TDP2: variants seen among roughly 807,000 people sequenced by gnomAD.
The protein encoded by TDP2 is tyrosyl-DNA phosphodiesterase 2.
In TDP2, 38 loss-of-function variants were observed where a neutral mutation model predicts 42.8. That is an observed-to-expected ratio of 0.89 (90% CI 0.68 to 1.16). The LOEUF (loss-of-function observed/expected upper bound fraction) is 1.16. TDP2 is among the 50% of genes most tolerant of loss of function. TDP2 has a pLI of 0.00. For synonymous variants in TDP2, 173 were observed against 150.6 expected (o/e 1.15, Z -1.09); for missense variants, 439 against 439.3 (o/e 1.00, Z 0.01).
intron 2 of TDP2, among the ~76,000 whole-genome samples, chr6:24,664,107 T>C (rs1229840212): frequency 1.3e-5 from 2 of 152,172 alleles, no homozygotes; most frequent in African/African-American, 4.8e-5. Context: ...TCTTAGGTTT[T>C]ATGTGTTAGG....
At chr6:24,659,080 A>G in intron 2 of TDP2, 2 of 175,146 alleles carry the variant, frequency 1.1e-5, no homozygotes, top group Non-Finnish European at 2.4e-5. Context: ...GCTGAATTCC[A>G]GCAGAAAGCT....
Position 24,653,061 on chromosome 6 carries a change from C to G in TDP2, c.729G>C (p.Met243Ile). Reference sequence around the variant, plus strand: ...GAGCCTCTTGCATTTTCTTTAAAACCATTTTTAACTGATTCATTCGTTCCG... The same window carrying G: ...GAGCCTCTTGCATTTTCTTTAAAACGATTTTTAACTGATTCATTCGTTCCG... ...HAAERMNQLKMVLKKMQEAPE... is the reference protein window; with the variant it reads ...HAAERMNQLKIVLKKMQEAPE... Residue 243 changes from methionine to isoleucine, a missense_variant, in exon 6 of 7, where the codon ATG (methionine) becomes ATC (isoleucine). Coordinates refer to ENST00000378198, the MANE Select transcript of TDP2 (RefSeq NM_016614.3). 1.2e-6 allele frequency: 2 copies of G among 1,614,106 alleles called. No individual in the cohort carries two copies. The highest frequency in any genetic ancestry group is 1.7e-6 in the Non-Finnish European group (2 of 1,180,014).
intron 2 of TDP2, among the ~76,000 whole-genome samples, chr6:24,662,670 G>A (rs945545866): frequency 2.6e-5 from 4 of 151,590 alleles, no homozygotes; most frequent in East Asian, 1.9e-4. Context: ...TATGCTAAGC[G>A]CCGGTCCCCT....
intron 5 of TDP2, 151 bp from the exon 6 acceptor site, chr6:24,653,304 G>A: frequency 1.2e-6 from 1 of 847,194 alleles, no homozygotes; most frequent in Non-Finnish European, 1.8e-6. Context: ...CGGATCAAAA[G>A]AAGTATTAAA....
rs368291396 is a variant in TDP2 at position 24,656,975 on chromosome 6, G to A, written c.517+837C>T. On this transcript the variant is annotated intron_variant, in intron 4 of 6. Coordinates refer to ENST00000378198, the MANE Select transcript of TDP2 (RefSeq NM_016614.3). The stretch of plus-strand genomic sequence containing the variant: ...CCATAAAGAGAGACACACACAGACT[G>A]AGAGAGAACCCTCTCCTTAGAAATT... Among the ~76,000 whole-genome samples, 8 of 152,290 alleles carry A rather than the reference G, an allele frequency of 5.3e-5. No homozygotes were observed. The South Asian group carries it at 8.3e-4, about 16-fold the overall frequency.
At chr6:24,663,542 T>G (rs1238809603) in intron 2 of TDP2, among the ~76,000 whole-genome samples, 1 of 152,212 alleles carries the variant, frequency 6.6e-6, no homozygotes, top group African/African-American at 2.4e-5. Context: ...ATGTTGGTAG[T>G]GGGGTCCAGT....
chr6:24,651,161 T>C, intron 6 of TDP2, 92 bp from the exon 7 acceptor site: 2 of 1,017,644 alleles, frequency 2.0e-6, no homozygotes, highest in East Asian at 5.0e-5. Flanking sequence ...GCTATTACCG[T>C]GCAAGAAATT....
In TDP2 at chr6:24,666,424, A is replaced by G; in HGVS notation, c.251+102T>C. ...GCTACGCAGCTTGGAGATCTGCCTC[A>G]GCATCGTCCGCCCAGCTCCACGGCA... On this transcript the variant is annotated intron_variant, in intron 2 of 6. Coordinates refer to ENST00000378198, the MANE Select transcript of TDP2 (RefSeq NM_016614.3). 3.4e-6 allele frequency: 5 copies of G among 1,456,582 alleles called. No individual in the cohort carries two copies. In the South Asian group the frequency reaches 4.6e-5, roughly 13 times the overall value. 90.2% of individuals were successfully genotyped at this position (1,456,582 alleles called of 1,614,324 possible).
At chr6:24,658,346 GAA>G in intron 3 of TDP2, among the ~76,000 whole-genome samples, 1 of 152,296 alleles carries the variant, frequency 6.6e-6, no homozygotes, top group East Asian at 1.9e-4. Flanking sequence ...AGTTGAAGAA[GAA>G]AACAGTACTA....
rs1777947440 is a variant in TDP2 at position 24,650,145 on chromosome 6, C to A, written c.*643G>T. 1 of 152,138 alleles carries A rather than the reference C, an allele frequency of 6.6e-6. No individual in the cohort carries two copies. The highest frequency in any genetic ancestry group is 2.1e-4 in the South Asian group (1 of 4,822). 9.4% of individuals were successfully genotyped at this position (152,138 alleles called of 1,614,324 possible). On this transcript the variant is annotated 3_prime_UTR_variant, in exon 7 of 7. Transcript: ENST00000378198. The stretch of plus-strand genomic sequence containing the variant: ...GCATTTATTTTTGTTAGAAAAATGT[C>A]CCATGGTGCTATCAAACCGATTTTA...
intron 2 of TDP2, among the ~76,000 whole-genome samples, chr6:24,665,766 C>T (rs986962161): frequency 1.2e-4 from 18 of 151,880 alleles, no homozygotes; most frequent in Non-Finnish European, 2.6e-4. Context: ...TATAAGAGTA[C>T]CTAAAAGGGG....
Position 24,650,407 on chromosome 6 carries a change from C to G in TDP2, c.*381G>C, listed in dbSNP as rs986041296. On this transcript the variant is annotated 3_prime_UTR_variant, in exon 7 of 7. Coordinates refer to ENST00000378198, the MANE Select transcript of TDP2 (RefSeq NM_016614.3). ...AATAAAGGATCCAGTCCCAAGAACT[C>G]AATAATCTCTTATGTTTTCTTTTGA... 4 of 181,292 alleles carry G rather than the reference C, an allele frequency of 2.2e-5. No homozygotes were observed. Among genetic ancestry groups the G allele is most frequent in the Non-Finnish European group, 3.5e-5 (3 of 86,780 alleles). 11.2% of individuals were successfully genotyped at this position (181,292 alleles called of 1,614,324 possible). A position where few individuals can be genotyped will look rare whatever the true frequency, so the allele number is the denominator to read the frequency against.
At chr6:24,659,496 T>A (rs1778107599) in intron 2 of TDP2, among the ~76,000 whole-genome samples, 1 of 146,522 alleles carries the variant, frequency 6.8e-6, no homozygotes, top group Non-Finnish European at 1.5e-5. Flanking sequence ...TTTGGGTTCG[T>A]AGATAGATTC....
At chr6:24,652,114 A>C (rs1258245541) in intron 6 of TDP2, among the ~76,000 whole-genome samples, 1 of 152,246 alleles carries the variant, frequency 6.6e-6, no homozygotes, top group Non-Finnish European at 1.5e-5. Context: ...AAGAGGAATC[A>C]TATAGTATCT....
intron 4 of TDP2, among the ~76,000 whole-genome samples, chr6:24,655,852 C>T (rs1294970811): frequency 1.3e-5 from 2 of 152,218 alleles, no homozygotes; most frequent in African/African-American, 4.8e-5. Flanking sequence ...TATACCAACA[C>T]ACTGACAATT....
chr6:24,653,044 T>TG lies in TDP2; in HGVS notation c.745dup (p.Gln249ProfsTer43). 6.2e-7 allele frequency: 1 copy of TG among 1,614,144 alleles called. No individual in the cohort carries two copies. The highest frequency in any genetic ancestry group is 8.5e-7 in the Non-Finnish European group (1 of 1,180,026). On this transcript the variant is annotated frameshift_variant, in exon 6 of 7. Transcript: ENST00000378198. LOFTEE classifies it high-confidence loss of function. The stretch of plus-strand genomic sequence containing the variant: ...AACTGTAGCTGACTCTGGAGCCTCT[T>TG]GCATTTTCTTTAAAACCATTTTTAA...
intron 2 of TDP2, among the ~76,000 whole-genome samples, chr6:24,661,485 T>C (rs575930448): frequency 3.3e-5 from 5 of 152,242 alleles, no homozygotes; most frequent in South Asian, 2.1e-4. Flanking sequence ...GCTCATCTTG[T>C]ACTTTTTTTG....
At chr6:24,651,896 ATTT>A (rs1467850316) in intron 6 of TDP2, among the ~76,000 whole-genome samples, 1 of 152,136 alleles carries the variant, frequency 6.6e-6, no homozygotes, top group Non-Finnish European at 1.5e-5. Context: ...CATTTTAACA[ATTT>A]TTAAGTGTAC....
intron 2 of TDP2, chr6:24,666,223 CATTT>C: frequency 1.3e-6 from 2 of 1,547,274 alleles, no homozygotes; most frequent in Non-Finnish European, 1.7e-6. Flanking sequence ...AGCCTTCGTT[CATTT>C]GTTTCAAACC....
Sources: allele counts gnomAD v4.1 joint callset (sites outside exome capture counted in the v4.1 genomes callset), GRCh38; gene constraint gnomAD v4.1.1; transcripts MANE v1.5; gene names NCBI Gene and HGNC (gene_info 2026-07-23, HGNC 2026-07-21).